POSTN: variants seen among roughly 807,000 people sequenced by gnomAD.
POSTN encodes the protein periostin.
A neutral mutation model predicts 104.5 loss-of-function variants in POSTN; 71 were observed. The observed-to-expected ratio is 0.68, with a 90% confidence interval of 0.56 to 0.83. POSTN has a LOEUF of 0.83. Ranked by LOEUF, POSTN falls within the 40% of genes least tolerant of loss-of-function variation. POSTN has a pLI of 0.00. For missense variants in POSTN, 949 were observed against 1,006.8 expected (o/e 0.94, Z 0.78); for synonymous variants, 355 against 340.7 (o/e 1.04, Z -0.46).
intron 22 of POSTN, among the ~76,000 whole-genome samples, chr13:37,563,748 T>G (rs547440358): frequency 6.6e-5 from 10 of 151,988 alleles, no homozygotes; most frequent in Non-Finnish European, 1.3e-4. Flanking sequence ...TTGTGTCTCC[T>G]TTTCACTACT....
chr13:37,564,702 G>T (rs1045226563), intron 21 of POSTN, 142 bp from the exon 22 acceptor site: 4 of 473,404 alleles, frequency 8.4e-6, no homozygotes, highest in Non-Finnish European at 1.5e-5. Flanking sequence ...TAAATTTTAT[G>T]ATCCTCAGAG....
chr13:37,586,675 ATG>A lies in POSTN; in HGVS notation c.753+105_753+106del, dbSNP rs1450096750. The A allele has an allele frequency of 1.3e-5, 14 of 1,069,150 alleles. No homozygotes were observed. In the East Asian group the frequency reaches 1.7e-4, roughly 13 times the overall value. 66.2% of individuals were successfully genotyped at this position (1,069,150 alleles called of 1,614,324 possible). A position where few individuals can be genotyped will look rare whatever the true frequency, so the allele number is the denominator to read the frequency against. On this transcript the variant is annotated intron_variant, in intron 6 of 22. Transcript: ENST00000379747. ...GAAAATAGTAGTCCTTTCAAAAAATATGTGTTACATTTTTGCCAGATTTAATA... is the reference window on the plus strand; with the variant it reads ...GAAAATAGTAGTCCTTTCAAAAAATATGTTACATTTTTGCCAGATTTAATA...
intron 7 of POSTN, 141 bp from the exon 8 acceptor site, chr13:37,585,069 AT>A: frequency 7.2e-7 from 1 of 1,392,160 alleles, no homozygotes; most frequent in Non-Finnish European, 9.4e-7. Flanking sequence ...TTAAAATCCT[AT>A]TTATGTTCTA....
chr13:37,594,039 G>A (rs1428906187), intron 2 of POSTN, among the ~76,000 whole-genome samples: 1 of 151,858 alleles, frequency 6.6e-6, no homozygotes, highest in Non-Finnish European at 1.5e-5. Flanking sequence ...AGAATAGTTG[G>A]TATTGGAAAC....
chr13:37,563,708 TAAG>T (rs1949995999), intron 22 of POSTN, among the ~76,000 whole-genome samples: 1 of 152,062 alleles, frequency 6.6e-6, no homozygotes, highest in Non-Finnish European at 1.5e-5. Flanking sequence ...TGGTTTAAAG[TAAG>T]AAGTTCCTAT....
chr13:37,593,691 A>C (rs1272996457), intron 2 of POSTN, among the ~76,000 whole-genome samples: 1 of 151,556 alleles, frequency 6.6e-6, no homozygotes, highest in African/African-American at 2.4e-5. Context: ...TAATTTAGAC[A>C]TGAAAGAGAT....
chr13:37,593,578 C>T (rs1951004489), intron 2 of POSTN, among the ~76,000 whole-genome samples: 1 of 151,298 alleles, frequency 6.6e-6, no homozygotes, highest in Admixed American at 6.6e-5. Context: ...AATTATTTTG[C>T]AATTCACTAA....
In POSTN at chr13:37,577,885, A is replaced by G; in HGVS notation, c.1963-87T>C. The stretch of plus-strand genomic sequence containing the variant: ...GCACCACTTTAATTCTTATTAAAGT[A>G]AAAATAGTGAAGCTATTATTACACT... On this transcript the variant is annotated intron_variant, in intron 15 of 22. Transcript: ENST00000379747. The G allele has an allele frequency of 1.9e-6, 3 of 1,561,246 alleles. No individual in the cohort carries two copies. In the Admixed American group the frequency reaches 5.7e-5, roughly 29 times the overall value.
intron 20 of POSTN, 162 bp downstream of exon 20, chr13:37,569,582 A>AC: frequency 1.2e-6 from 1 of 802,746 alleles, no homozygotes; most frequent in South Asian, 1.4e-5. Context: ...AAAAAATATG[A>AC]CTGCCATTTA....
intron 9 of POSTN, among the ~76,000 whole-genome samples, chr13:37,583,716 C>T (rs148953578): frequency 1.5e-4 from 23 of 152,138 alleles, no homozygotes; most frequent in Middle Eastern, 3.4e-3. Flanking sequence ...TGAGCCACCA[C>T]GCCTGGCCTG....
chr13:37,573,722 G>A (rs1459971167), intron 17 of POSTN, among the ~76,000 whole-genome samples: 1 of 151,450 alleles, frequency 6.6e-6, no homozygotes, highest in South Asian at 2.1e-4. Context: ...GAGATAACTA[G>A]TTCTTTTCTC....
rs1949988552 is a variant in POSTN, at chr13:37,563,423, A to C, written c.2474-53T>G. ...GACTGTAAATGTTAGGAAATTTTAAAATTTAAGAATATATTATTCTCTGTA... is the reference window on the plus strand; with the variant it reads ...GACTGTAAATGTTAGGAAATTTTAACATTTAAGAATATATTATTCTCTGTA... On this transcript the variant is annotated intron_variant, in intron 22 of 22. Transcript: ENST00000379747. 3 of 1,237,204 alleles carry C rather than the reference A, an allele frequency of 2.4e-6. No individual in the cohort carries two copies. The African/African-American group carries it at 4.6e-5, about 19-fold the overall frequency. 76.6% of individuals were successfully genotyped at this position (1,237,204 alleles called of 1,614,324 possible).
At chr13:37,582,290 C>A in intron 10 of POSTN, 76 bp downstream of exon 10, 1 of 1,462,678 alleles carries the variant, frequency 6.8e-7, no homozygotes, top group East Asian at 2.3e-5. Flanking sequence ...TCATAAAATT[C>A]TGTGAAATAT....
chr13:37,591,366 AC>A (rs1271299386), intron 3 of POSTN, among the ~76,000 whole-genome samples: 1 of 152,206 alleles, frequency 6.6e-6, no homozygotes, highest in South Asian at 2.1e-4. Flanking sequence ...GTTACCAATG[AC>A]ATTATCCAAA....
intron 16 of POSTN, among the ~76,000 whole-genome samples, chr13:37,575,298 A>G (rs1013215579): frequency 6.6e-6 from 1 of 151,216 alleles, no homozygotes; most frequent in Admixed American, 6.6e-5. Flanking sequence ...TTTAATTTAA[A>G]GGTATATATT....
intron 15 of POSTN, among the ~76,000 whole-genome samples, chr13:37,578,129 G>A (rs926641221): frequency 3.3e-5 from 5 of 152,138 alleles, no homozygotes; most frequent in African/African-American, 1.2e-4. Flanking sequence ...TCTGTGATGA[G>A]TGACAATTTT....
chr13:37,590,289 C>T (rs1440821747), intron 4 of POSTN, 83 bp downstream of exon 4: 5 of 1,127,114 alleles, frequency 4.4e-6, no homozygotes, highest in South Asian at 1.8e-5. Context: ...AAAATTTCTA[C>T]TAATATCCAA....
chr13:37,589,936 C>A (rs751891201), intron 4 of POSTN, among the ~76,000 whole-genome samples: 1 of 151,972 alleles, frequency 6.6e-6, no homozygotes, highest in Non-Finnish European at 1.5e-5. Flanking sequence ...ATTTGACAAC[C>A]TGAACATCCA....
chr13:37,588,304 A>T (rs1950816770), intron 4 of POSTN, among the ~76,000 whole-genome samples: 1 of 152,170 alleles, frequency 6.6e-6, no homozygotes, highest in Non-Finnish European at 1.5e-5. Flanking sequence ...ACATATTTAA[A>T]ATACTTTAAA....
Sources: allele counts gnomAD v4.1 joint callset (sites outside exome capture counted in the v4.1 genomes callset), GRCh38; gene constraint gnomAD v4.1.1; transcripts MANE v1.5; gene names NCBI Gene and HGNC (gene_info 2026-07-23, HGNC 2026-07-21).